DCLK2: variants seen among roughly 807,000 people sequenced by gnomAD.
DCLK2 encodes serine/threonine-protein kinase DCLK2.
In DCLK2, 31 loss-of-function variants were observed where a neutral mutation model predicts 78.4. The observed-to-expected ratio is 0.40, with a 90% CI of 0.30 to 0.53. The LOEUF (loss-of-function observed/expected upper bound fraction) is 0.53. Ranked by LOEUF, DCLK2 falls within the 20% of genes least tolerant of loss-of-function variation. The pLI is 0.61. For synonymous variants in DCLK2, 407 were observed against 374.9 expected (o/e 1.09, Z -0.99); for missense variants, 872 against 973.7 (o/e 0.90, Z 1.39).
At position 150,102,629 on chromosome 4, in the gene DCLK2, A is replaced by C; in HGVS notation, c.573A>C (p.Lys191Asn). Residue 191 changes from lysine to asparagine, a missense_variant, in exon 2 of 16, where the codon AAA (lysine) becomes AAC (asparagine). Lys to Asn is a moderately conservative substitution (Grantham distance 94). Coordinates refer to ENST00000296550, the MANE Select transcript of DCLK2 (RefSeq NM_001040260.4). The part of the protein sequence containing the change: ...SSVKSEVKES[K>N]DFIKPKLVTV... The stretch of plus-strand genomic sequence containing the variant: ...TGAAAAGTGAAGTAAAAGAAAGTAA[A>C]GATTTCATCAAACCCAAGTTAGTGA... The C allele has an allele frequency of 6.2e-7, 1 of 1,614,196 alleles. No homozygotes were observed. The highest frequency in any genetic ancestry group is 8.5e-7 in the Non-Finnish European group (1 of 1,180,024).
At chr4:150,172,986 A>G (rs1736666767) in intron 2 of DCLK2, among the ~76,000 whole-genome samples, 1 of 152,152 alleles carries the variant, frequency 6.6e-6, no homozygotes, top group Non-Finnish European at 1.5e-5. Flanking sequence ...CTACATCTTT[A>G]GAAATGGGGT....
intron 10 of DCLK2, among the ~76,000 whole-genome samples, chr4:150,233,110 C>G (rs2126573855): frequency 6.6e-6 from 1 of 152,282 alleles, no homozygotes. Context: ...ACTCACAGTT[C>G]CACAGGCTTA....
chr4:150,104,950 A>T (rs1448578049), intron 2 of DCLK2, among the ~76,000 whole-genome samples: 4 of 152,182 alleles, frequency 2.6e-5, no homozygotes, highest in African/African-American at 7.2e-5. Flanking sequence ...TTTCAGTAAG[A>T]ATCTAAATGA....
intron 1 of DCLK2, 69 bp downstream of exon 1, chr4:150,079,517 G>T: frequency 1.4e-6 from 2 of 1,392,974 alleles, no homozygotes; most frequent in South Asian, 1.5e-5. Context: ...GTGAGCCGGC[G>T]CAGCGGGGAG....
intron 5 of DCLK2, among the ~76,000 whole-genome samples, chr4:150,206,171 A>C (rs1203441204): frequency 1.3e-5 from 2 of 152,172 alleles, no homozygotes; most frequent in Non-Finnish European, 2.9e-5. Context: ...TTCTGTGCAC[A>C]CACCTGCCTC....
At chr4:150,229,908 C>G (rs939437556) in intron 8 of DCLK2, among the ~76,000 whole-genome samples, 1 of 152,054 alleles carries the variant, frequency 6.6e-6, no homozygotes, top group Non-Finnish European at 1.5e-5. Context: ...AAAATTTAGT[C>G]TAGAGAGCAT....
chr4:150,132,066 C>G (rs571745925), intron 2 of DCLK2, among the ~76,000 whole-genome samples: 3 of 152,224 alleles, frequency 2.0e-5, no homozygotes, highest in Admixed American at 2.0e-4. Context: ...GCTGTGGTAT[C>G]CTTGTGCTCT....
At chr4:150,203,441 T>A (rs1255865056) in intron 4 of DCLK2, among the ~76,000 whole-genome samples, 2 of 152,226 alleles carry the variant, frequency 1.3e-5, no homozygotes, top group Non-Finnish European at 2.9e-5. Flanking sequence ...GGAACAGCCT[T>A]CATAGTAAAC....
intron 2 of DCLK2, among the ~76,000 whole-genome samples, chr4:150,166,957 A>G (rs1736133718): frequency 6.6e-6 from 1 of 152,174 alleles, no homozygotes; most frequent in African/African-American, 2.4e-5. Context: ...AATGATAACT[A>G]TGATCATGTA....
chr4:150,094,952 G>A (rs1465811638), intron 1 of DCLK2, among the ~76,000 whole-genome samples: 1 of 152,168 alleles, frequency 6.6e-6, no homozygotes, highest in African/African-American at 2.4e-5. Flanking sequence ...ACTGGGGTGA[G>A]GCTTGGGTGT....
intron 2 of DCLK2, among the ~76,000 whole-genome samples, chr4:150,188,627 C>A (rs978673981): frequency 6.6e-6 from 1 of 151,980 alleles, no homozygotes; most frequent in Non-Finnish European, 1.5e-5. Context: ...AAGGGCCGGG[C>A]ATGGTGGCTC....
intron 2 of DCLK2, among the ~76,000 whole-genome samples, chr4:150,153,523 C>A (rs190388800): frequency 6.6e-6 from 1 of 151,990 alleles, no homozygotes; most frequent in Admixed American, 6.6e-5. Context: ...AGCAACTTAC[C>A]CACCGCAGCA....
At chr4:150,249,479 T>C (rs1580797774) in intron 14 of DCLK2, 89 bp from the exon 15 acceptor site, 1 of 1,058,074 alleles carries the variant, frequency 9.5e-7, no homozygotes, top group Non-Finnish European at 1.5e-6. Context: ...AGGAGGGTGG[T>C]TGAGGCGGGG....
intron 1 of DCLK2, among the ~76,000 whole-genome samples, chr4:150,098,974 C>G (rs1730678714): frequency 6.6e-6 from 1 of 152,150 alleles, no homozygotes; most frequent in African/African-American, 2.4e-5. Context: ...GGATTACAGG[C>G]ATGAGCCACC....
At chr4:150,245,524 T>A (rs1743238836) in intron 12 of DCLK2, among the ~76,000 whole-genome samples, 1 of 151,836 alleles carries the variant, frequency 6.6e-6, no homozygotes. Context: ...CCCCTTCCCC[T>A]ACCCCATGAC....
intron 1 of DCLK2, among the ~76,000 whole-genome samples, chr4:150,097,221 G>C (rs973697261): frequency 6.6e-6 from 1 of 150,776 alleles, no homozygotes; most frequent in African/African-American, 2.5e-5. Flanking sequence ...TGTCACCCAG[G>C]CTGGAGTGCT....
intron 3 of DCLK2, among the ~76,000 whole-genome samples, chr4:150,197,153 C>CAA (rs56913717): frequency 7.9e-6 from 1 of 126,622 alleles, no homozygotes; most frequent in African/African-American, 2.8e-5. Flanking sequence ...GACTCCGTCT[C>CAA]AAAAAAAAAA....
chr4:150,228,738 T>TG lies in DCLK2; in HGVS notation c.1300-3597dup, dbSNP rs541089460. On this transcript the variant is annotated intron_variant, in intron 8 of 15. Coordinates refer to ENST00000296550, the MANE Select transcript of DCLK2 (RefSeq NM_001040260.4). ...ATAAAGAAAGTTCCAGATAAAACTA[T>TG]GGCTGGGGCCGGGCGCGGTGGCTCA... is the stretch of plus-strand genomic sequence containing the variant. 1.7e-4 allele frequency among the ~76,000 whole-genome samples: 26 copies of TG among 152,324 alleles called. 1 individual carries two copies. In the East Asian group the frequency reaches 5.0e-3, roughly 29 times the overall value.
intron 8 of DCLK2, among the ~76,000 whole-genome samples, chr4:150,225,044 A>C (rs1275869165): frequency 1.3e-5 from 2 of 152,184 alleles, no homozygotes; most frequent in Non-Finnish European, 2.9e-5. Flanking sequence ...GCCCAGCTGG[A>C]TGATTTACAC....
Sources: allele counts gnomAD v4.1 joint callset (sites outside exome capture counted in the v4.1 genomes callset), GRCh38; gene constraint gnomAD v4.1.1; transcripts MANE v1.5; gene names NCBI Gene and HGNC (gene_info 2026-07-23, HGNC 2026-07-21).